KRABD5: variants seen among roughly 807,000 people sequenced by gnomAD.
KRABD5 encodes the protein KRAB domain-containing protein 5.
chr16:31,740,926 G>C, the KRABD5 span, among the ~76,000 whole-genome samples: 1 of 152,150 alleles, frequency 6.6e-6, no homozygotes, highest in Non-Finnish European at 1.5e-5. Flanking sequence ...CCATCATCCA[G>C]ATAATGAGCA....
chr16:31,724,584 C>T, the KRABD5 span, among the ~76,000 whole-genome samples: 1 of 151,568 alleles, frequency 6.6e-6, no homozygotes, highest in East Asian at 1.9e-4. Flanking sequence ...CCCAGCTACT[C>T]TGGAGTCTGA....
the KRABD5 span, among the ~76,000 whole-genome samples, chr16:31,749,638 G>A: frequency 6.6e-6 from 1 of 152,204 alleles, no homozygotes; most frequent in Non-Finnish European, 1.5e-5. Context: ...GAAGAAGCAT[G>A]GTTTTCCTGG....
chr16:31,749,655 A>G, the KRABD5 span, among the ~76,000 whole-genome samples: 1 of 152,190 alleles, frequency 6.6e-6, no homozygotes, highest in Non-Finnish European at 1.5e-5. Flanking sequence ...CTGGCTGAGT[A>G]GCACACTCAC....
the KRABD5 span, among the ~76,000 whole-genome samples, chr16:31,726,394 G>A: frequency 6.6e-6 from 1 of 152,212 alleles, no homozygotes; most frequent in Non-Finnish European, 1.5e-5. Flanking sequence ...TTGGAATGAA[G>A]AAGTGTGATG....
chr16:31,756,731 T>C, the KRABD5 span: 11 of 152,230 alleles, frequency 7.2e-5, no homozygotes, highest in South Asian at 2.1e-4. Flanking sequence ...TCAATATTTT[T>C]CTTTGCACAT....
At chr16:31,759,288 A>G in the KRABD5 span, 21 of 1,497,550 alleles carry the variant, frequency 1.4e-5, no homozygotes, top group African/African-American at 2.6e-4. Context: ...GATAAAATTC[A>G]TAAACCTGCT....
At chr16:31,754,180 TTCAG>T in the KRABD5 span, 3 of 689,092 alleles carry the variant, frequency 4.4e-6, no homozygotes, top group African/African-American at 1.8e-5. Flanking sequence ...GGAGTAAATG[TTCAG>T]TCAAATATTT....
chr16:31,741,744 G>T, the KRABD5 span, among the ~76,000 whole-genome samples: 5 of 152,038 alleles, frequency 3.3e-5, no homozygotes, highest in African/African-American at 1.2e-4. Flanking sequence ...CTCCTGTTCT[G>T]TAGGTTATTG....
At chr16:31,719,166 G>A in the KRABD5 span, among the ~76,000 whole-genome samples, 1 of 152,180 alleles carries the variant, frequency 6.6e-6, no homozygotes, top group Non-Finnish European at 1.5e-5. Context: ...GCCAAATTCA[G>A]CATCATGTGA....
At chr16:31,754,512 G>C in the KRABD5 span, 1 of 613,400 alleles carries the variant, frequency 1.6e-6, no homozygotes, top group East Asian at 3.4e-5. Context: ...AGCCCCAGAA[G>C]ACATCAGAAA....
At chr16:31,716,109 A>G in the KRABD5 span, among the ~76,000 whole-genome samples, 120 of 152,282 alleles carry the variant, frequency 7.9e-4, no homozygotes, top group Non-Finnish European at 1.2e-3. Context: ...CTTTGCTCCT[A>G]GAGTTTCCTG....
At chr16:31,717,060 G>A in the KRABD5 span, among the ~76,000 whole-genome samples, 2 of 129,934 alleles carry the variant, frequency 1.5e-5, no homozygotes, top group South Asian at 2.5e-4. Flanking sequence ...GCAGTGGTGC[G>A]TTCTTGGCTC....
the KRABD5 span, chr16:31,754,609 T>C: frequency 4.2e-6 from 2 of 476,602 alleles, no homozygotes; most frequent in African/African-American, 2.0e-5. Flanking sequence ...AGAGTATCTT[T>C]ATTCAAGAGA....
the KRABD5 span, chr16:31,723,496 G>A: frequency 1.3e-6 from 1 of 754,044 alleles, no homozygotes; most frequent in Non-Finnish European, 2.1e-6. Flanking sequence ...TCTTGCTGCT[G>A]TCACAGAGGG....
At chr16:31,733,807 T>C in the KRABD5 span, among the ~76,000 whole-genome samples, 2 of 152,220 alleles carry the variant, frequency 1.3e-5, no homozygotes, top group Non-Finnish European at 2.9e-5. Context: ...AAGGAACATT[T>C]TGATTGCTTC....
chr16:31,744,972 C>T, the KRABD5 span, among the ~76,000 whole-genome samples: 4 of 152,182 alleles, frequency 2.6e-5, no homozygotes, highest in African/African-American at 7.2e-5. Context: ...GTGGTGGTAT[C>T]CCCTTTATCA....
chr16:31,744,216 A>C, the KRABD5 span, among the ~76,000 whole-genome samples: 1 of 152,196 alleles, frequency 6.6e-6, no homozygotes. Flanking sequence ...TTCAAAGGGA[A>C]TACTTCCAGC....
chr16:31,752,819 A>T, the KRABD5 span, among the ~76,000 whole-genome samples: 7 of 152,190 alleles, frequency 4.6e-5, no homozygotes, highest in Non-Finnish European at 8.8e-5. Context: ...GTGAGCTATG[A>T]TTGTACTCTG....
the KRABD5 span, among the ~76,000 whole-genome samples, chr16:31,732,474 A>G: frequency 6.6e-6 from 1 of 152,240 alleles, no homozygotes; most frequent in African/African-American, 2.4e-5. Flanking sequence ...ATATTTATTA[A>G]TATGTTTGAT....
Sources: allele counts gnomAD v4.1 joint callset (sites outside exome capture counted in the v4.1 genomes callset), GRCh38; gene constraint gnomAD v4.1.1; transcripts MANE v1.5; gene names NCBI Gene and HGNC (gene_info 2026-07-23, HGNC 2026-07-21).